TYR: variants seen among roughly 807,000 people sequenced by gnomAD.
TYR encodes tyrosinase, also known as LB24-AB.
Under a neutral mutation model 51.5 loss-of-function variants are expected in TYR, and 58 were observed. The ratio of observed to expected loss-of-function variants is 1.13; its 90% confidence interval spans 0.91 to 1.40. TYR has a LOEUF of 1.40. TYR is among the 40% of genes most tolerant of loss of function. The probability of loss-of-function intolerance (pLI) is 0.00; values close to 1 mark genes in which losing one functional copy is unlikely to be tolerated. For missense variants in TYR, 732 were observed against 647.4 expected (o/e 1.13, Z -1.42); for synonymous variants, 263 against 235.2 (o/e 1.12, Z -1.08).
chr11:89,294,481 T>G (rs1015102598), intron 4 of TYR, among the ~76,000 whole-genome samples: 2 of 152,166 alleles, frequency 1.3e-5, no homozygotes, highest in Admixed American at 1.3e-4. Context: ...AGTGCGTCTC[T>G]GAGGAGAAAC....
Position 89,284,910 on chromosome 11 carries a change from C to A in TYR, c.1322C>A (p.Ser441Ter), listed in dbSNP as rs544365966. Reference sequence around the variant, plus strand: ...TACAGAAATGGTGATTTCTTTATTTCATCCAAAGATCTGGGCTATGACTAT... The same window carrying A: ...TACAGAAATGGTGATTTCTTTATTTAATCCAAAGATCTGGGCTATGACTAT... Reference protein sequence around the residue: ...PLYRNGDFFISSKDLGYDYSY... With the variant: ...PLYRNGDFFI Residue 441 changes from serine (S) to a stop codon, truncating the protein, a stop_gained, in exon 4 of 5, where the codon TCA becomes TAA. Coordinates refer to ENST00000263321, the MANE Select transcript of TYR (RefSeq NM_000372.5). LOFTEE classifies it high-confidence loss of function. 6.2e-7 allele frequency: 1 copy of A among 1,611,738 alleles called. No homozygotes were observed. Among genetic ancestry groups the A allele is most frequent in the Non-Finnish European group, 8.5e-7 (1 of 1,178,420 alleles).
intron 3 of TYR, among the ~76,000 whole-genome samples, chr11:89,258,189 C>G (rs1312006355): frequency 2.0e-5 from 3 of 151,954 alleles, no homozygotes; most frequent in Admixed American, 6.6e-5. Flanking sequence ...TCTATCTGAA[C>G]ACAGATGAGA....
At chr11:89,278,268 A>G (rs1451967482) in intron 3 of TYR, among the ~76,000 whole-genome samples, 1 of 151,728 alleles carries the variant, frequency 6.6e-6, no homozygotes, top group South Asian at 2.1e-4. Context: ...TCCTGTTACC[A>G]TGTTACATTC....
intron 2 of TYR, among the ~76,000 whole-genome samples, chr11:89,215,442 C>T (rs1167722167): frequency 6.6e-6 from 1 of 152,060 alleles, no homozygotes; most frequent in South Asian, 2.1e-4. Flanking sequence ...ATGGGTGCAG[C>T]ACACCAACAC....
chr11:89,287,715 G>T (rs1296304055), intron 4 of TYR, among the ~76,000 whole-genome samples: 1 of 151,884 alleles, frequency 6.6e-6, no homozygotes, highest in African/African-American at 2.4e-5. Context: ...TTTTAAGCAG[G>T]TTATAATCAA....
At chr11:89,217,692 A>G (rs373007183) in intron 2 of TYR, among the ~76,000 whole-genome samples, 22 of 152,278 alleles carry the variant, frequency 1.4e-4, no homozygotes, top group Middle Eastern at 3.4e-3. Context: ...TCTAGGATCC[A>G]GTAATTCCTG....
intron 1 of TYR, among the ~76,000 whole-genome samples, chr11:89,179,510 G>T: frequency 6.6e-6 from 1 of 151,880 alleles, no homozygotes; most frequent in East Asian, 1.9e-4. Context: ...AGGTTATAAA[G>T]GTATCAGGTA....
chr11:89,228,718 T>C (rs1944006689), intron 3 of TYR, among the ~76,000 whole-genome samples: 1 of 152,178 alleles, frequency 6.6e-6, no homozygotes, highest in Non-Finnish European at 1.5e-5. Context: ...TCCTATTTAA[T>C]GTGATTTAAT....
intron 2 of TYR, among the ~76,000 whole-genome samples, chr11:89,191,844 A>G (rs1232544949): frequency 6.6e-6 from 1 of 152,204 alleles, no homozygotes; most frequent in Non-Finnish European, 1.5e-5. Context: ...TAATAAATAC[A>G]GGCAATAGGC....
intron 3 of TYR, among the ~76,000 whole-genome samples, chr11:89,263,278 C>A (rs563575562): frequency 6.6e-6 from 1 of 151,764 alleles, no homozygotes; most frequent in South Asian, 2.1e-4. Context: ...TCAATAGGTG[C>A]AGAAAAAGAT....
chr11:89,189,218 C>A (rs562065201), intron 1 of TYR, among the ~76,000 whole-genome samples: 5 of 152,010 alleles, frequency 3.3e-5, no homozygotes, highest in African/African-American at 9.6e-5. Context: ...TGCCACTTAC[C>A]CTCTCTGAGT....
intron 1 of TYR, among the ~76,000 whole-genome samples, chr11:89,189,516 C>G (rs1820098582): frequency 6.6e-6 from 1 of 151,364 alleles, no homozygotes; most frequent in South Asian, 2.1e-4. Context: ...ATTTCTAGTC[C>G]TTGACATTCT....
chr11:89,239,400 T>C (rs1037145779), intron 3 of TYR, among the ~76,000 whole-genome samples: 2 of 152,096 alleles, frequency 1.3e-5, no homozygotes, highest in African/African-American at 4.8e-5. Context: ...TTCTGTGGTA[T>C]CTGTTGTAAT....
intron 2 of TYR, among the ~76,000 whole-genome samples, chr11:89,211,921 C>T (rs959397598): frequency 1.3e-5 from 2 of 152,090 alleles, no homozygotes; most frequent in African/African-American, 4.8e-5. Context: ...CACGACGTAC[C>T]AGAATCTCTG....
chr11:89,235,955 T>A lies in TYR; in HGVS notation c.1184+7985T>A, dbSNP rs911066533. The stretch of plus-strand genomic sequence containing the variant: ...TATGCCCCATACATACCTGTAATTA[T>A]TATTTGTCAATTAAAAATAAAATTT... On this transcript the variant is annotated intron_variant, in intron 3 of 4. Transcript: ENST00000263321. 2.6e-5 allele frequency among the ~76,000 whole-genome samples: 4 copies of A among 152,306 alleles called. No homozygotes were observed. The East Asian group carries it at 7.7e-4, about 29-fold the overall frequency.
chr11:89,273,167 T>C lies in TYR; in HGVS notation c.1185-11606T>C, dbSNP rs190124533. On this transcript the variant is annotated intron_variant, in intron 3 of 4. Transcript: ENST00000263321. ...CTAGCTATGTTGGCTTTGGACATGC[T>C]TTCCTCATTATTATTCTTACCTCTA... Among the ~76,000 whole-genome samples, 500 of 152,076 alleles carry C rather than the reference T, an allele frequency of 3.3e-3. 2 individuals carry two copies. In the Middle Eastern group the frequency reaches 0.037, roughly 11 times the overall value.
intron 2 of TYR, among the ~76,000 whole-genome samples, chr11:89,207,909 G>T (rs1288976011): frequency 1.3e-5 from 2 of 152,096 alleles, no homozygotes; most frequent in Non-Finnish European, 2.9e-5. Context: ...ATTGAATAAG[G>T]AGCACATCAG....
intron 3 of TYR, among the ~76,000 whole-genome samples, chr11:89,283,585 A>G (rs1045183453): frequency 7.9e-5 from 12 of 151,810 alleles, no homozygotes; most frequent in African/African-American, 2.9e-4. Context: ...TGAGGAGGCT[A>G]ATTCTCCAAG....
intron 2 of TYR, among the ~76,000 whole-genome samples, chr11:89,205,568 C>T (rs1483123366): frequency 6.6e-6 from 1 of 151,818 alleles, no homozygotes; most frequent in African/African-American, 2.4e-5. Flanking sequence ...ACTATGGAGG[C>T]CAGAAGGTGG....
Sources: allele counts gnomAD v4.1 joint callset (sites outside exome capture counted in the v4.1 genomes callset), GRCh38; gene constraint gnomAD v4.1.1; transcripts MANE v1.5; gene names NCBI Gene and HGNC (gene_info 2026-07-23, HGNC 2026-07-21).